Variants in CNBD1 observed in about 807,000 individuals in gnomAD.
The protein encoded by CNBD1 is cyclic nucleotide binding domain containing 1.
In CNBD1, 71 loss-of-function variants were observed where a neutral mutation model predicts 54.4. The ratio of observed to expected loss-of-function variants is 1.30; its 90% CI spans 1.08 to 1.59. The LOEUF (loss-of-function observed/expected upper bound fraction) is 1.59. CNBD1 is among the 40% of genes most tolerant of loss of function. CNBD1 has a pLI of 0.00. For synonymous variants in CNBD1, 182 were observed against 170.7 expected (o/e 1.07, Z -0.51); for missense variants, 659 against 518.0 (o/e 1.27, Z -2.64).
chr8:87,298,024 T>TCTAAA (rs1195958858), intron 8 of CNBD1, among the ~76,000 whole-genome samples: 20 of 151,842 alleles, frequency 1.3e-4, no homozygotes, highest in African/African-American at 4.6e-4. Context: ...AAGAGCTTTA[T>TCTAAA]TATTAATATA....
chr8:87,295,148 A>G (rs1808856607), intron 8 of CNBD1, among the ~76,000 whole-genome samples: 1 of 151,874 alleles, frequency 6.6e-6, no homozygotes. Flanking sequence ...TTATTACCAG[A>G]GAAGCTTTAA....
At chr8:87,338,416 T>G (rs554607396) in intron 8 of CNBD1, among the ~76,000 whole-genome samples, 65 of 152,246 alleles carry the variant, frequency 4.3e-4, no homozygotes, top group African/African-American at 1.5e-3. Flanking sequence ...CCTCGTTACT[T>G]TTGAAGGATA....
chr8:87,423,670 C>G (rs1482467799), intron 2 of CNBD1, among the ~76,000 whole-genome samples: 1 of 148,782 alleles, frequency 6.7e-6, no homozygotes, highest in Admixed American at 6.7e-5. Context: ...CTGCTGGATT[C>G]GGTTTGCCAG....
chr8:87,222,018 T>A (rs570868678), intron 5 of CNBD1, among the ~76,000 whole-genome samples: 1 of 152,228 alleles, frequency 6.6e-6, no homozygotes, highest in East Asian at 1.9e-4. Context: ...ATAAAAGCTA[T>A]GAAAAGGCCA....
chr8:87,299,480 G>T (rs1184036447), intron 8 of CNBD1, among the ~76,000 whole-genome samples: 1 of 152,192 alleles, frequency 6.6e-6, no homozygotes, highest in Non-Finnish European at 1.5e-5. Context: ...TTCTCCTCCT[G>T]TTCACATAGA....
chr8:87,131,546 C>T (rs983646922), intron 4 of CNBD1, among the ~76,000 whole-genome samples: 3 of 151,992 alleles, frequency 2.0e-5, no homozygotes, highest in African/African-American at 7.2e-5. Context: ...TCTCATTAAG[C>T]ATTTAAAGCT....
chr8:87,152,846 G>A (rs2130750496), intron 4 of CNBD1, among the ~76,000 whole-genome samples: 1 of 152,252 alleles, frequency 6.6e-6, no homozygotes, highest in Non-Finnish European at 1.5e-5. Context: ...TTGCTGTAGG[G>A]GAGCCATTGT....
intron 6 of CNBD1, among the ~76,000 whole-genome samples, chr8:87,247,913 G>T (rs56312148): frequency 0.29 from 44,159 of 152,092 alleles, 7,117 homozygotes; most frequent in African/African-American, 0.43. Context: ...GGGTGACACG[G>T]TGCATGGACT....
intron 5 of CNBD1, among the ~76,000 whole-genome samples, chr8:87,231,653 T>C (rs531402483): frequency 2.6e-5 from 4 of 152,308 alleles, no homozygotes; most frequent in Non-Finnish European, 5.9e-5. Flanking sequence ...AGTTTTTTTC[T>C]CCACTATATT....
At chr8:86,951,298 TAATA>T (rs1177470517) in intron 4 of CNBD1, among the ~76,000 whole-genome samples, 2 of 151,954 alleles carry the variant, frequency 1.3e-5, no homozygotes, top group African/African-American at 4.8e-5. Flanking sequence ...GGCAAGAATA[TAATA>T]GATAGGCTGG....
At chr8:87,353,607 T>C (rs1810351295) in intron 9 of CNBD1, 29 bp from the exon 10 acceptor site, 1 of 1,447,684 alleles carries the variant, frequency 6.9e-7, no homozygotes, top group Non-Finnish European at 9.5e-7. Context: ...GCAGTTGCAT[T>C]AAACATCAAT....
chr8:87,141,920 C>T (rs1812378071), intron 4 of CNBD1, among the ~76,000 whole-genome samples: 2 of 152,068 alleles, frequency 1.3e-5, no homozygotes, highest in Non-Finnish European at 2.9e-5. Context: ...TAAATTTATA[C>T]TGTAATTATT....
chr8:87,269,273 G>A (rs1722513612), intron 6 of CNBD1, among the ~76,000 whole-genome samples: 1 of 151,938 alleles, frequency 6.6e-6, no homozygotes, highest in African/African-American at 2.4e-5. Context: ...CTGTTCCATT[G>A]GTCTATGTAT....
chr8:87,268,374 C>T (rs556986012), intron 6 of CNBD1, among the ~76,000 whole-genome samples: 2 of 152,148 alleles, frequency 1.3e-5, no homozygotes, highest in Admixed American at 6.6e-5. Context: ...TTGGTTGATT[C>T]CATGTCTTTG....
At chr8:87,076,050 C>T (rs1810866483) in intron 4 of CNBD1, among the ~76,000 whole-genome samples, 1 of 152,090 alleles carries the variant, frequency 6.6e-6, no homozygotes, top group Admixed American at 6.5e-5. Flanking sequence ...GGATACATTA[C>T]ATATGAAGCA....
chr8:86,869,845 C>A (rs1250031083), intron 1 of CNBD1, among the ~76,000 whole-genome samples: 1 of 152,002 alleles, frequency 6.6e-6, no homozygotes, highest in Non-Finnish European at 1.5e-5. Flanking sequence ...AAAAAAAATT[C>A]TTATTTTAAA....
rs548924896 is a variant in CNBD1, at chr8:87,141,804, T to C, written c.432-64189T>C. Reference sequence around the variant, plus strand: ...TTTCATCTAGCCTTTTGCCCAATTATATTTTATATTCTGAAAGAATGGAAA... The same window carrying C: ...TTTCATCTAGCCTTTTGCCCAATTACATTTTATATTCTGAAAGAATGGAAA... On this transcript the variant is annotated intron_variant, in intron 4 of 10. Transcript: ENST00000518476. 2.0e-5 allele frequency among the ~76,000 whole-genome samples: 3 copies of C among 152,256 alleles called. No individual in the cohort carries two copies. The South Asian group carries it at 6.2e-4, about 32-fold the overall frequency.
At chr8:87,274,252 G>A (rs1220671080) in intron 6 of CNBD1, among the ~76,000 whole-genome samples, 1 of 150,402 alleles carries the variant, frequency 6.6e-6, no homozygotes, top group Non-Finnish European at 1.5e-5. Flanking sequence ...TGTCTTTATA[G>A]CAGCATGATT....
At chr8:86,872,735 G>A (rs1286961695) in intron 1 of CNBD1, among the ~76,000 whole-genome samples, 1 of 152,106 alleles carries the variant, frequency 6.6e-6, no homozygotes, top group African/African-American at 2.4e-5. Context: ...AAAAATGTCT[G>A]TTCAGGCCCT....
Sources: gnomAD v4.1 joint callset for allele counts (sites outside exome capture counted in the v4.1 genomes callset) on GRCh38, gnomAD v4.1.1 for gene constraint, MANE v1.5 for transcripts, NCBI Gene and HGNC (gene_info 2026-07-23, HGNC 2026-07-21) for gene names.